The following LMAN1L variants were observed in gnomAD, a reference collection of about 807,000 sequenced individuals.
The protein encoded by LMAN1L is lectin, mannose binding 1 like.
LMAN1L carries 60 observed loss-of-function variants against 58.3 expected under a neutral mutation model. That is an observed-to-expected ratio of 1.03 (90% CI 0.84 to 1.27). The LOEUF (loss-of-function observed/expected upper bound fraction) is 1.27. Ranked by LOEUF, LMAN1L falls within the 50% of genes most tolerant of loss-of-function variation. The pLI is 0.00. For synonymous variants in LMAN1L, 280 were observed against 271.6 expected, an observed-to-expected ratio of 1.03 and a Z score of -0.31; for missense variants, 629 against 674.0, an observed-to-expected ratio of 0.93 and a Z score of 0.74.
chr15:74,812,903 C>T lies in LMAN1L; in HGVS notation c.49C>T (p.Leu17Phe), dbSNP rs777764297. 1.9e-6 allele frequency: 3 copies of T among 1,613,476 alleles called. No homozygotes were observed. The highest frequency in any genetic ancestry group is 2.5e-6 in the Non-Finnish European group (3 of 1,179,614). ...PGPLFCLLLL[L>F]LDPHSPETGC... ...TCCCTTATTCTGCCTTCTCCTCCTG[C>T]TCCTGGACCCCCACAGCCCTGAGAC... Residue 17 changes from leucine (L) to phenylalanine (F), a missense_variant, in exon 1 of 14, where the codon CTC becomes TTC. Physicochemically the swap from Leu to Phe is conservative, Grantham distance 22. Coordinates refer to ENST00000309664, the MANE Select transcript of LMAN1L (RefSeq NM_021819.3).
Position 74,822,724 on chromosome 15 carries a change from G to A in LMAN1L, c.1199+15G>A. 2.5e-6 allele frequency: 4 copies of A among 1,605,606 alleles called. No homozygotes were observed. Among genetic ancestry groups the A allele is most frequent in the Non-Finnish European group, 3.4e-6 (4 of 1,172,350 alleles). Reference sequence around the variant, plus strand: ...CAAGAGATGAGGTAAGGGACTGGGTGGGGACCCCTCCACCACCTTGTTTCT... The same window carrying A: ...CAAGAGATGAGGTAAGGGACTGGGTAGGGACCCCTCCACCACCTTGTTTCT... On this transcript the variant is annotated intron_variant, in intron 11 of 13. Coordinates refer to ENST00000309664, the MANE Select transcript of LMAN1L (RefSeq NM_021819.3).
Position 74,825,571 on chromosome 15 carries a change from G to C in LMAN1L, c.1547G>C (p.Arg516Thr). Residue 516 changes from arginine to threonine, a missense_variant, in exon 14 of 14, where the codon AGG (arginine) becomes ACG (threonine). This residue lies in a region of LMAN1L where 53 missense variants were observed against 59.7 expected (regional missense o/e 0.89). Transcript: ENST00000309664. ...ACCCCCAGGGCCCTGGGGATTCTGA[G>C]GAGGCAGCCTCTCCCTGCCAGCATG... ...PHTPRALGIL[R>T]RQPLPASMPA The C allele has an allele frequency of 1.2e-6, 2 of 1,612,834 alleles. No homozygotes were observed. The highest frequency in any genetic ancestry group is 1.7e-6 in the Non-Finnish European group (2 of 1,179,228).
At chr15:74,819,321 A>G in intron 6 of LMAN1L, 49 bp downstream of exon 6, 1 of 1,599,308 alleles carries the variant, frequency 6.3e-7, no homozygotes, top group Non-Finnish European at 8.5e-7. Context: ...TGATGAATAA[A>G]TCACCCTCAG....
intron 13 of LMAN1L, 169 bp from the exon 14 acceptor site, chr15:74,825,306 CA>C (rs1361206936): frequency 3.1e-5 from 21 of 672,510 alleles, no homozygotes; most frequent in African/African-American, 3.0e-4. Flanking sequence ...CTTACATGCC[CA>C]GGGGGAAAGC....
At chr15:74,820,986 C>T in intron 8 of LMAN1L, 89 bp from the exon 9 acceptor site, 1 of 1,433,576 alleles carries the variant, frequency 7.0e-7, no homozygotes, top group Admixed American at 2.6e-5. Context: ...CTTCTGGCAC[C>T]CCTCTCCAAG....
At chr15:74,823,277 A>T (rs897666360) in intron 11 of LMAN1L, among the ~76,000 whole-genome samples, 4 of 151,922 alleles carry the variant, frequency 2.6e-5, no homozygotes, top group African/African-American at 9.7e-5. Context: ...CTAGATGAGA[A>T]GAAGGAAAGG....
At chr15:74,816,757 C>T in intron 4 of LMAN1L, 67 bp downstream of exon 4, 1 of 1,467,278 alleles carries the variant, frequency 6.8e-7, no homozygotes, top group Non-Finnish European at 9.3e-7. Flanking sequence ...TCCCCCCCAT[C>T]CGAGCCCCTG....
intron 11 of LMAN1L, 117 bp downstream of exon 11, chr15:74,822,826 A>T: frequency 1.4e-6 from 1 of 734,932 alleles, no homozygotes; most frequent in Non-Finnish European, 2.4e-6. Flanking sequence ...TGTCAATTGG[A>T]AGGGCTACTG....
chr15:74,813,830 A>G (rs566234296), intron 1 of LMAN1L, among the ~76,000 whole-genome samples: 1 of 152,324 alleles, frequency 6.6e-6, no homozygotes, highest in East Asian at 1.9e-4. Context: ...TTCTGTCTAT[A>G]AAATGTGAGT....
intron 1 of LMAN1L, chr15:74,813,244 CCT>C (rs1262957967): frequency 1.5e-6 from 1 of 661,524 alleles, no homozygotes; most frequent in African/African-American, 1.8e-5. Context: ...TTCTCCTCTG[CCT>C]CTCTGCTTCC....
In LMAN1L at chr15:74,816,207, C is replaced by T. The variant is rs917974800; in HGVS notation, c.226C>T (p.Arg76Trp). The change falls in exon 2 of 14, where the codon CGG (arginine) becomes TGG (tryptophan). Residue 76 changes from arginine (R) to tryptophan (W), a missense_variant. This residue lies in a region of LMAN1L where 573 missense variants were observed against 597.3 expected (regional missense o/e 0.96). Coordinates refer to ENST00000309664, the MANE Select transcript of LMAN1L (RefSeq NM_021819.3). ...GCGGCTGACGCCATCCATGAGGAAC[C>T]GGAGTGGCGCCGTGTGGAGCAGGGC... is the stretch of plus-strand genomic sequence containing the variant. ...EVRLTPSMRN[R>W]SGAVWSRASV... The T allele has an allele frequency of 1.3e-6, 2 of 1,567,378 alleles. No homozygotes were observed. The highest frequency in any genetic ancestry group is 1.7e-6 in the Non-Finnish European group (2 of 1,156,516).
chr15:74,818,208 T>C (rs1321510411), intron 4 of LMAN1L, among the ~76,000 whole-genome samples: 1 of 152,106 alleles, frequency 6.6e-6, no homozygotes, highest in African/African-American at 2.4e-5. Context: ...AGGCAGGGCT[T>C]GCTTCCCCTG....
chr15:74,822,077 C>T (rs2063919394), intron 10 of LMAN1L, among the ~76,000 whole-genome samples, 177 bp downstream of exon 10: 1 of 152,182 alleles, frequency 6.6e-6, no homozygotes, highest in African/African-American at 2.4e-5. Flanking sequence ...AATCCTAGCA[C>T]TTTGGGAGGC....
chr15:74,817,393 A>G (rs2063896806), intron 4 of LMAN1L, among the ~76,000 whole-genome samples: 1 of 152,212 alleles, frequency 6.6e-6, no homozygotes, highest in East Asian at 1.9e-4. Flanking sequence ...CCAAGGTCAC[A>G]TAGCTCGGGG....
In LMAN1L at chr15:74,824,366, GC is replaced by G; in HGVS notation, c.1345del (p.Arg449AlafsTer27). The G allele has an allele frequency of 1.2e-6, 2 of 1,613,918 alleles. No individual in the cohort carries two copies. The highest frequency in any genetic ancestry group is 1.7e-5 in the Admixed American group (1 of 60,010). ...CCCCTTTCAGAAGGCAGCAGCCAAG[GC>G]CCCCCGCCCACCTGGCCAGCCCCCA... ...LRGPAKAAAK[A>X]PRPPGQPPRA... On this transcript the variant is annotated frameshift_variant, in exon 13 of 14. Transcript: ENST00000309664. LOFTEE classifies it high-confidence loss of function.
Position 74,816,170 on chromosome 15 carries a change from C to T in LMAN1L, c.189C>T (p.Gly63=), listed in dbSNP as rs1450067169. The T allele has an allele frequency of 1.9e-6, 3 of 1,550,606 alleles. No homozygotes were observed. The highest frequency in any genetic ancestry group is 2.6e-6 in the Non-Finnish European group (3 of 1,147,844). ...CCTTGTCCACAGACGCCATCCTGGG[C>T]CTGGAGGAAGTGCGGCTGACGCCAT... ...FWSHHGDAIL[G]LEEVRLTPSM... is the part of the protein sequence containing the mutation. The change falls in exon 2 of 14, where the codon GGC becomes GGT. Residue 63 remains glycine (G), a synonymous_variant. Transcript: ENST00000309664.
Position 74,824,372 on chromosome 15 carries a change from C to G in LMAN1L, c.1345C>G (p.Arg449Gly). The G allele has an allele frequency of 6.2e-7, 1 of 1,613,912 alleles. No individual in the cohort carries two copies. Among genetic ancestry groups the G allele is most frequent in the Non-Finnish European group, 8.5e-7 (1 of 1,179,838 alleles). Reference sequence around the variant, plus strand: ...TCAGAAGGCAGCAGCCAAGGCCCCCCGCCCACCTGGCCAGCCCCCAAGGGC... The same window carrying G: ...TCAGAAGGCAGCAGCCAAGGCCCCCGGCCCACCTGGCCAGCCCCCAAGGGC... ...GPAKAAAKAPRPPGQPPRASS... is the reference protein window; with the variant it reads ...GPAKAAAKAPGPPGQPPRASS... The change falls in exon 13 of 14, where the codon CGC becomes GGC. Residue 449 changes from arginine (R) to glycine (G), a missense_variant. Arg to Gly is a moderately radical substitution (Grantham distance 125). Transcript: ENST00000309664.
Position 74,821,814 on chromosome 15 carries a change from T to C in LMAN1L, c.1060-15T>C, listed in dbSNP as rs61671857. 4.6e-3 allele frequency: 7,423 copies of C among 1,600,748 alleles called. 301 individuals carry two copies. In the African/African-American group the frequency reaches 0.089, roughly 19 times the overall value. ...CTTACACTCCAGGGCCAAGCCTCTC[T>C]GATCCTATCCCCAGGCCCTGGATGC... On this transcript the variant is annotated splice_polypyrimidine_tract_variant and intron_variant, in intron 9 of 13. Transcript: ENST00000309664.
At position 74,812,985 on chromosome 15, in the gene LMAN1L, T is replaced by C. The variant is rs764976135; in HGVS notation, c.131T>C (p.Leu44Pro). ...AAGCTCAGCTTCAAAGGCCCAAGGC[T>C]GGCATTGCCTGGGGCTGGAATACCC... ...EYKLSFKGPRLALPGAGIPFW... is the reference protein window; with the variant it reads ...EYKLSFKGPRPALPGAGIPFW... The change falls in exon 1 of 14, where the codon CTG becomes CCG. Residue 44 changes from leucine (L) to proline (P), a missense_variant. Transcript: ENST00000309664. The C allele has an allele frequency of 1.2e-6, 2 of 1,613,978 alleles. No individual in the cohort carries two copies. Among genetic ancestry groups the C allele is most frequent in the African/African-American group, 2.7e-5 (2 of 75,018 alleles).
Sources: allele counts gnomAD v4.1 joint callset (sites outside exome capture counted in the v4.1 genomes callset), GRCh38; gene constraint gnomAD v4.1.1; regional missense constraint gnomAD v4.1.1; transcripts MANE v1.5; gene names NCBI Gene and HGNC (gene_info 2026-07-23, HGNC 2026-07-21).